Variants in ST7L observed in about 807,000 individuals in gnomAD.
ST7L encodes the protein suppressor of tumorigenicity 7 protein-like.
ST7L carries 57 observed loss-of-function variants against 72.5 expected under a neutral mutation model. That is an observed-to-expected ratio of 0.79 (90% CI 0.64 to 0.98). The LOEUF (loss-of-function observed/expected upper bound fraction) is 0.98, where lower values mean the gene tolerates loss of function less well. Among genes scored for constraint, ST7L ranks in the 50% least tolerant of loss-of-function variants. The pLI is 0.00. For synonymous variants in ST7L, 221 were observed against 240.9 expected (o/e 0.92, Z 0.77); for missense variants, 576 against 672.2 (o/e 0.86, Z 1.58).
intron 11 of ST7L, among the ~76,000 whole-genome samples, chr1:112,572,715 T>A (rs889787137): frequency 1.3e-5 from 2 of 152,026 alleles, no homozygotes; most frequent in Admixed American, 6.6e-5. Context: ...GTCTCTATTT[T>A]TTTTTAAAGA....
intron 13 of ST7L, among the ~76,000 whole-genome samples, chr1:112,542,380 T>C (rs963170290): frequency 3.9e-5 from 6 of 152,134 alleles, no homozygotes; most frequent in Admixed American, 3.9e-4. Context: ...CTTTGTCACT[T>C]ATTAGCTATG....
chr1:112,522,112 C>G (rs1652915898), downstream of ST7L: 2 of 152,086 alleles, frequency 1.3e-5, no homozygotes, highest in Admixed American at 6.6e-5. Flanking sequence ...CTCACTGCAG[C>G]CTCAAATTCC....
At chr1:112,555,170 T>A (rs1658891615) in intron 12 of ST7L, among the ~76,000 whole-genome samples, 1 of 152,132 alleles carries the variant, frequency 6.6e-6, no homozygotes, top group African/African-American at 2.4e-5. Context: ...TAGGTTGATA[T>A]TAGTTATGAA....
At chr1:112,582,619 T>C in intron 7 of ST7L, 147 bp from the exon 8 acceptor site, 4 of 519,860 alleles carry the variant, frequency 7.7e-6, no homozygotes, top group East Asian at 3.0e-5. Context: ...ATTAATGATG[T>C]CTACATTTGG....
intron 2 of ST7L, among the ~76,000 whole-genome samples, chr1:112,615,246 A>C (rs1669690641): frequency 6.6e-6 from 1 of 152,088 alleles, no homozygotes; most frequent in Admixed American, 6.6e-5. Flanking sequence ...GGTCTCCCAA[A>C]GTGCTAGGAT....
At chr1:112,583,870 C>T (rs1385768187) in intron 7 of ST7L, 102 bp downstream of exon 7, 1 of 1,349,186 alleles carries the variant, frequency 7.4e-7, no homozygotes, top group Non-Finnish European at 1.0e-6. Context: ...TGAAAATTAA[C>T]TAACCTGTAA....
intron 4 of ST7L, among the ~76,000 whole-genome samples, chr1:112,599,890 G>A (rs1401074633): frequency 6.6e-6 from 1 of 152,136 alleles, no homozygotes; most frequent in Non-Finnish European, 1.5e-5. Context: ...ATAGTTTGAT[G>A]TAATGTTTCT....
downstream of ST7L, chr1:112,523,410 T>C (rs780561404): frequency 3.3e-5 from 5 of 152,232 alleles, no homozygotes; most frequent in Non-Finnish European, 7.3e-5. Flanking sequence ...CCAAAAGGAA[T>C]GATGGCCAAG....
intron 3 of ST7L, among the ~76,000 whole-genome samples, chr1:112,608,646 A>C (rs1324799388): frequency 6.6e-6 from 1 of 152,222 alleles, no homozygotes; most frequent in Non-Finnish European, 1.5e-5. Flanking sequence ...TTATATATTG[A>C]ACGCTGAGCT....
At chr1:112,541,258 T>G (rs1188675547) in intron 14 of ST7L, among the ~76,000 whole-genome samples, 6 of 151,000 alleles carry the variant, frequency 4.0e-5, no homozygotes, top group Non-Finnish European at 5.9e-5. Context: ...CACTCCAGCC[T>G]GGGTCACAGC....
intron 13 of ST7L, among the ~76,000 whole-genome samples, chr1:112,542,575 C>A (rs6537742): frequency 0.19 from 28,281 of 151,700 alleles, 2,759 homozygotes; most frequent in Middle Eastern, 0.21. Context: ...TAAGCAAAAT[C>A]GTGCTTAAAA....
rs115475725 is a variant in ST7L at position 112,591,570 on chromosome 1, G to A, written c.656C>T (p.Pro219Leu). 2.8e-3 allele frequency: 4,453 copies of A among 1,611,334 alleles called. 6 individuals are homozygous for A. Among genetic ancestry groups the A allele is most frequent in the Non-Finnish European group, 3.5e-3 (4,133 of 1,179,498 alleles). ...TTGATAGGCTGCTTTGATTCGAGCT[G>A]GAGGATTTCTTTCCCTCCAAGCCTT... ...MQKAWRERNP[P>L]ARIKAAYQAL... The change falls in exon 6 of 15, where the codon CCA (proline) becomes CTA (leucine). Residue 219 changes from proline (P) to leucine (L), a missense_variant. By Grantham distance (98) the Pro-to-Leu change is moderately conservative. Around this residue, in one of 3 missense-constraint regions of ST7L, gnomAD observed 511 missense variants for 600.7 expected, o/e 0.85. Coordinates refer to ENST00000358039, the MANE Select transcript of ST7L (RefSeq NM_017744.5).
intron 3 of ST7L, among the ~76,000 whole-genome samples, chr1:112,602,411 G>A (rs1012973341): frequency 1.3e-5 from 2 of 152,090 alleles, no homozygotes; most frequent in East Asian, 1.9e-4. Context: ...TGTCTTACTC[G>A]TCCTACAAAA....
chr1:112,619,252 C>T (rs911140031), upstream of ST7L: 5 of 782,294 alleles, frequency 6.4e-6, no homozygotes, highest in Admixed American at 1.0e-4. Context: ...GAGAAGATTT[C>T]GAAGGTGGAG....
At chr1:112,600,971 T>C in intron 3 of ST7L, 123 bp from the exon 4 acceptor site, 1 of 744,696 alleles carries the variant, frequency 1.3e-6, no homozygotes, top group Non-Finnish European at 2.2e-6. Context: ...CAAAGATGAA[T>C]AAAGCATGCT....
At chr1:112,617,021 T>G in intron 1 of ST7L, 126 bp from the exon 2 acceptor site, 2 of 592,798 alleles carry the variant, frequency 3.4e-6, no homozygotes, top group Non-Finnish European at 5.9e-6. Flanking sequence ...GAAATTCACT[T>G]GAAAAAGTTT....
chr1:112,616,665 C>T (rs1366126574), intron 2 of ST7L, 148 bp downstream of exon 2: 3 of 500,790 alleles, frequency 6.0e-6, no homozygotes, highest in Non-Finnish European at 1.1e-5. Flanking sequence ...ATTGCTGGAA[C>T]CTGGAAGGCG....
At chr1:112,528,571 C>G (rs1653839368) in intron 14 of ST7L, 1 of 152,180 alleles carries the variant, frequency 6.6e-6, no homozygotes, top group African/African-American at 2.4e-5. Context: ...ATTTGAGATT[C>G]TGGGCTAAGT....
At chr1:112,535,743 T>G (rs1331388938) in intron 14 of ST7L, among the ~76,000 whole-genome samples, 1 of 151,992 alleles carries the variant, frequency 6.6e-6, no homozygotes, top group African/African-American at 2.4e-5. Context: ...AAAAGTACAT[T>G]TTCCTAACTT....
Sources: allele counts gnomAD v4.1 joint callset (sites outside exome capture counted in the v4.1 genomes callset), GRCh38; gene constraint gnomAD v4.1.1; regional missense constraint gnomAD v4.1.1; transcripts MANE v1.5; gene names NCBI Gene and HGNC (gene_info 2026-07-23, HGNC 2026-07-21).